DIAPH1: variants seen among roughly 807,000 people sequenced by gnomAD.
The protein encoded by DIAPH1 is protein diaphanous homolog 1.
Under a neutral mutation model 140.7 loss-of-function variants are expected in DIAPH1, and 46 were observed. The ratio of observed to expected loss-of-function variants is 0.33; its 90% confidence interval spans 0.26 to 0.42. DIAPH1 has a LOEUF of 0.42. Ranked by LOEUF, DIAPH1 falls within the 10% of genes least tolerant of loss-of-function variation. The probability of loss-of-function intolerance (pLI) is 1.00; values close to 1 mark genes in which losing one functional copy is unlikely to be tolerated. For missense variants in DIAPH1, 1,310 were observed against 1,558.7 expected, an observed-to-expected ratio of 0.84 and a Z score of 2.69; for synonymous variants, 565 against 551.6, an observed-to-expected ratio of 1.02 and a Z score of -0.34.
At chr5:141,547,605 G>A (rs2099891008) in intron 18 of DIAPH1, among the ~76,000 whole-genome samples, 1 of 152,070 alleles carries the variant, frequency 6.6e-6, no homozygotes, top group Non-Finnish European at 1.5e-5. Flanking sequence ...CAGTAACAAA[G>A]ATCCAAACTA....
At chr5:141,584,479 T>A (rs560078739) in intron 3 of DIAPH1, among the ~76,000 whole-genome samples, 11 of 152,284 alleles carry the variant, frequency 7.2e-5, no homozygotes, top group African/African-American at 2.6e-4. Context: ...GGACTCAATA[T>A]AAATGAAAGA....
At chr5:141,526,929 C>T (rs556870668) in intron 24 of DIAPH1, among the ~76,000 whole-genome samples, 2 of 152,182 alleles carry the variant, frequency 1.3e-5, no homozygotes, top group Non-Finnish European at 2.9e-5. Context: ...CATCTCTTGA[C>T]CTAAAAGGAG....
intron 12 of DIAPH1, 42 bp from the exon 13 acceptor site, chr5:141,576,913 A>T: frequency 1.6e-6 from 2 of 1,247,988 alleles, no homozygotes; most frequent in Non-Finnish European, 2.4e-6. Flanking sequence ...GAAAATCAAA[A>T]TATAATTTTC....
At chr5:141,577,990 T>A in intron 11 of DIAPH1, 1 of 595,456 alleles carries the variant, frequency 1.7e-6, no homozygotes, top group Non-Finnish European at 3.0e-6. Context: ...TTTACACTGA[T>A]TTTGATGGCT....
intron 18 of DIAPH1, among the ~76,000 whole-genome samples, chr5:141,537,651 G>A (rs1336926947): frequency 6.6e-6 from 1 of 151,724 alleles, no homozygotes; most frequent in East Asian, 1.9e-4. Context: ...CACCAAAATG[G>A]AGTAGCTTCA....
At position 141,576,811 on chromosome 5, in the gene DIAPH1, C is replaced by T. The variant is rs1195407583; in HGVS notation, c.1341G>A (p.Gly447=). ...GCCGGCACTTGAAGTCAGGATCAGC[C>T]CCGTTCTTGTGCAGAACTATCTGGG... ...CISQIVLHKN[G]ADPDFKCRHL... Residue 447 remains glycine, a synonymous_variant, in exon 13 of 28, where the codon GGG becomes GGA. Transcript: ENST00000389054. The T allele has an allele frequency of 5.6e-6, 9 of 1,613,908 alleles. No individual in the cohort carries two copies. Among genetic ancestry groups the T allele is most frequent in the Non-Finnish European group, 7.6e-6 (9 of 1,179,960 alleles).
intron 18 of DIAPH1, among the ~76,000 whole-genome samples, chr5:141,549,069 T>C (rs984408006): frequency 2.6e-5 from 4 of 152,104 alleles, no homozygotes; most frequent in African/African-American, 9.7e-5. Context: ...AAATAGGGTA[T>C]ATATCAACTC....
At chr5:141,562,620 C>CAAA (rs1353631853) in intron 18 of DIAPH1, among the ~76,000 whole-genome samples, 2 of 130,782 alleles carry the variant, frequency 1.5e-5, no homozygotes, top group African/African-American at 2.7e-5. Flanking sequence ...AAAAAAAAAA[C>CAAA]AAACAAAAAA....
chr5:141,525,818 G>A (rs1392941987), intron 26 of DIAPH1, among the ~76,000 whole-genome samples: 1 of 152,142 alleles, frequency 6.6e-6, no homozygotes, highest in Non-Finnish European at 1.5e-5. Context: ...ATGCAAGAGC[G>A]AGCAAAGGAG....
At chr5:141,551,105 T>C (rs893441218) in intron 18 of DIAPH1, among the ~76,000 whole-genome samples, 2 of 152,254 alleles carry the variant, frequency 1.3e-5, no homozygotes, top group African/African-American at 4.8e-5. Flanking sequence ...ATTGCACTTA[T>C]GTTAATTTTC....
At chr5:141,582,131 G>C in intron 7 of DIAPH1, 181 bp downstream of exon 7, 2 of 369,526 alleles carry the variant, frequency 5.4e-6, no homozygotes, top group South Asian at 3.1e-5. Context: ...ACAGAAGTTA[G>C]AACTGAGAAA....
intron 18 of DIAPH1, among the ~76,000 whole-genome samples, chr5:141,567,650 G>C (rs1394892766): frequency 6.6e-6 from 1 of 152,178 alleles, no homozygotes; most frequent in Non-Finnish European, 1.5e-5. Flanking sequence ...AAAGGTTAAA[G>C]CTGCAGAAGC....
intron 18 of DIAPH1, chr5:141,557,877 C>T (rs1457587663): frequency 6.6e-6 from 1 of 152,258 alleles, no homozygotes; most frequent in Admixed American, 6.5e-5. Context: ...CTCAGCCAGT[C>T]TCCCTCCCTC....
chr5:141,524,268 CCAGAG>C (rs763134519), intron 26 of DIAPH1, 39 bp from the exon 27 acceptor site: 85 of 1,578,830 alleles, frequency 5.4e-5, no homozygotes, highest in Non-Finnish European at 7.2e-5. Flanking sequence ...AACTCTTCAG[CCAGAG>C]CAGCATGGCA....
At chr5:141,606,421 G>C (rs944773544) in intron 1 of DIAPH1, among the ~76,000 whole-genome samples, 1 of 152,118 alleles carries the variant, frequency 6.6e-6, no homozygotes, top group Non-Finnish European at 1.5e-5. Flanking sequence ...TTGAGACAGA[G>C]TCTCGCTCTG....
At chr5:141,578,160 A>C (rs1353529054) in intron 11 of DIAPH1, 65 bp downstream of exon 11, 2 of 1,179,816 alleles carry the variant, frequency 1.7e-6, no homozygotes, top group Admixed American at 1.7e-5. Context: ...CATTCCACAC[A>C]GGGATCAGGG....
At chr5:141,554,512 CGCA>C (rs2099892258) in intron 18 of DIAPH1, among the ~76,000 whole-genome samples, 5 of 145,604 alleles carry the variant, frequency 3.4e-5, no homozygotes, top group Middle Eastern at 3.5e-3. Context: ...ACCAATTTTA[CGCA>C]AAAAATTTTT....
intron 27 of DIAPH1, 46 bp downstream of exon 27, chr5:141,524,097 C>T (rs768960935): frequency 6.5e-7 from 1 of 1,537,298 alleles, no homozygotes. Context: ...AGTAGAGAGC[C>T]CTCACCCCCT....
At chr5:141,606,904 C>T (rs966709364) in intron 1 of DIAPH1, among the ~76,000 whole-genome samples, 7 of 150,184 alleles carry the variant, frequency 4.7e-5, no homozygotes, top group Non-Finnish European at 8.9e-5. Context: ...TGTCAGTCTC[C>T]TATATTAGAT....
Sources: allele counts gnomAD v4.1 joint callset (sites outside exome capture counted in the v4.1 genomes callset), GRCh38; gene constraint gnomAD v4.1.1; transcripts MANE v1.5; gene names NCBI Gene and HGNC (gene_info 2026-07-23, HGNC 2026-07-21).